GALNTL6: variants seen among roughly 807,000 people sequenced by gnomAD.
GALNTL6 encodes polypeptide N-acetylgalactosaminyltransferase-like 6.
GALNTL6 carries 46 observed loss-of-function variants against 73.7 expected under a neutral mutation model. The observed-to-expected ratio is 0.62, with a 90% CI of 0.49 to 0.80. The LOEUF (loss-of-function observed/expected upper bound fraction) is 0.80, where lower values mean the gene tolerates loss of function less well. Among genes scored for constraint, GALNTL6 ranks in the 30% least tolerant of loss-of-function variants. GALNTL6 has a pLI of 0.00. For missense variants in GALNTL6, 604 were observed against 755.0 expected (o/e 0.80, Z 2.34); for synonymous variants, 259 against 263.7 (o/e 0.98, Z 0.17).
At chr4:172,304,021 T>C (rs148224122) in intron 3 of GALNTL6, among the ~76,000 whole-genome samples, 113 of 152,306 alleles carry the variant, frequency 7.4e-4, no homozygotes, top group African/African-American at 2.3e-3. Flanking sequence ...AAAGACACAT[T>C]CCCAGCTCTC....
At chr4:172,217,282 A>G (rs1013497921) in intron 2 of GALNTL6, among the ~76,000 whole-genome samples, 1 of 152,180 alleles carries the variant, frequency 6.6e-6, no homozygotes, top group Non-Finnish European at 1.5e-5. Flanking sequence ...GTAGGGTAAA[A>G]TATTTTGACT....
At chr4:172,561,058 C>G (rs4247208) in intron 5 of GALNTL6, among the ~76,000 whole-genome samples, 126,095 of 151,014 alleles carry the variant, frequency 0.83, 52,777 homozygotes, top group South Asian at 0.88. Context: ...TCGAGACCAT[C>G]CTGGCTAACA....
chr4:172,066,878 C>G (rs1049022912), intron 2 of GALNTL6, among the ~76,000 whole-genome samples: 4 of 152,024 alleles, frequency 2.6e-5, no homozygotes, highest in African/African-American at 7.2e-5. Context: ...TAACCTTTAC[C>G]TGTATTTTCA....
chr4:172,857,320 T>G (rs1471710799), intron 7 of GALNTL6, among the ~76,000 whole-genome samples: 1 of 152,136 alleles, frequency 6.6e-6, no homozygotes, highest in Non-Finnish European at 1.5e-5. Context: ...CTGAGGATGG[T>G]CTCATCTTCA....
At chr4:172,185,186 A>G (rs993890504) in intron 2 of GALNTL6, among the ~76,000 whole-genome samples, 10 of 152,182 alleles carry the variant, frequency 6.6e-5, no homozygotes, top group African/African-American at 2.4e-4. Context: ...TTAAATTTGG[A>G]GACTCAAATA....
At chr4:172,118,904 C>G (rs1002707245) in intron 2 of GALNTL6, among the ~76,000 whole-genome samples, 1 of 151,422 alleles carries the variant, frequency 6.6e-6, no homozygotes, top group Non-Finnish European at 1.5e-5. Context: ...TTTTTCCAGA[C>G]TTTTAGACTT....
In GALNTL6 at chr4:172,936,777, T is replaced by A. The variant is rs532856779; in HGVS notation, c.1149+5509T>A. ...CCAAGAACATGGGAGACTTTAAATT[T>A]TTTTCTAGTTTCAGGATAGGAGCTA... On this transcript the variant is annotated intron_variant, in intron 9 of 12. Transcript: ENST00000506823. Among the ~76,000 whole-genome samples, 12 of 152,218 alleles carry A rather than the reference T, an allele frequency of 7.9e-5. No individual in the cohort carries two copies. In the East Asian group the frequency reaches 2.3e-3, roughly 29 times the overall value.
intron 5 of GALNTL6, among the ~76,000 whole-genome samples, chr4:172,681,807 A>G (rs1388550646): frequency 6.6e-6 from 1 of 152,180 alleles, no homozygotes; most frequent in Non-Finnish European, 1.5e-5. Context: ...CAGCTGCCTC[A>G]GAGGAAGAAT....
chr4:171,985,008 G>T (rs1287784548), intron 2 of GALNTL6, among the ~76,000 whole-genome samples: 1 of 149,270 alleles, frequency 6.7e-6, no homozygotes, highest in South Asian at 2.1e-4. Flanking sequence ...AAAAAAAAAA[G>T]AAAAGAAAAC....
intron 5 of GALNTL6, among the ~76,000 whole-genome samples, chr4:172,646,783 G>T (rs938336445): frequency 6.6e-5 from 10 of 151,950 alleles, no homozygotes; most frequent in African/African-American, 2.2e-4. Context: ...TATGCTGATA[G>T]CTTCAATCAA....
Position 172,706,085 on chromosome 4 carries a change from C to G in GALNTL6, c.554-103276C>G, listed in dbSNP as rs186847223. Among the ~76,000 whole-genome samples, 598 of 152,064 alleles carry G rather than the reference C, an allele frequency of 3.9e-3. 10 individuals carry two copies. Among genetic ancestry groups the G allele is most frequent in the Admixed American group, 4.7e-3 (72 of 15,254 alleles). ...TCTACCCCTTGCTCTTTCTCAACTC[C>G]CTGTTAAAGACCAATGACTCAGATT... On this transcript the variant is annotated intron_variant, in intron 5 of 12. Coordinates refer to ENST00000506823, the MANE Select transcript of GALNTL6 (RefSeq NM_001034845.3).
At chr4:173,029,972 T>C (rs987531368) in intron 12 of GALNTL6, among the ~76,000 whole-genome samples, 7 of 152,192 alleles carry the variant, frequency 4.6e-5, no homozygotes, top group African/African-American at 1.7e-4. Context: ...ACAAAATCCA[T>C]TAATGAGCAT....
At chr4:172,821,836 T>C (rs1292810445) in intron 7 of GALNTL6, among the ~76,000 whole-genome samples, 2 of 152,210 alleles carry the variant, frequency 1.3e-5, no homozygotes, top group African/African-American at 4.8e-5. Context: ...TTTTTAAATG[T>C]AAAGTAAAAT....
At chr4:172,677,767 T>G (rs1266909817) in intron 5 of GALNTL6, among the ~76,000 whole-genome samples, 1 of 148,296 alleles carries the variant, frequency 6.7e-6, no homozygotes, top group Non-Finnish European at 1.5e-5. Context: ...CTACAAAAAA[T>G]TAAAAAAAAA....
At chr4:172,417,220 A>C (rs1730870931) in intron 5 of GALNTL6, among the ~76,000 whole-genome samples, 1 of 151,714 alleles carries the variant, frequency 6.6e-6, no homozygotes. Flanking sequence ...ATAATGAAAA[A>C]ATCATTTTTT....
intron 10 of GALNTL6, among the ~76,000 whole-genome samples, chr4:172,995,519 C>G (rs982673325): frequency 2.0e-5 from 3 of 152,188 alleles, no homozygotes; most frequent in Admixed American, 6.5e-5. Flanking sequence ...GATTCTTTCT[C>G]CCACAGAATA....
chr4:172,233,675 A>G (rs1392746988), intron 3 of GALNTL6, among the ~76,000 whole-genome samples: 2 of 152,086 alleles, frequency 1.3e-5, no homozygotes, highest in Non-Finnish European at 2.9e-5. Context: ...CTTTATTACA[A>G]CTATTACTAT....
chr4:172,239,712 G>T (rs766428411), intron 3 of GALNTL6, among the ~76,000 whole-genome samples: 1 of 152,084 alleles, frequency 6.6e-6, no homozygotes, highest in East Asian at 1.9e-4. Context: ...ACTTTTTTAT[G>T]TGGGTGTTTA....
At chr4:172,582,045 G>T (rs1202752145) in intron 5 of GALNTL6, among the ~76,000 whole-genome samples, 6 of 152,138 alleles carry the variant, frequency 3.9e-5, no homozygotes, top group Non-Finnish European at 8.8e-5. Flanking sequence ...CTGATGGTTT[G>T]GTAACATTTT....
Sources: allele counts gnomAD v4.1 joint callset (sites outside exome capture counted in the v4.1 genomes callset), GRCh38; gene constraint gnomAD v4.1.1; transcripts MANE v1.5; gene names NCBI Gene and HGNC (gene_info 2026-07-23, HGNC 2026-07-21).